CAMK4: variants seen among roughly 807,000 people sequenced by gnomAD.
The protein encoded by CAMK4 is calcium/calmodulin dependent protein kinase IV, also known as calcium/calmodulin-dependent protein kinase type IV.
In CAMK4, 22 loss-of-function variants were observed where a neutral mutation model predicts 44.9. The observed-to-expected ratio is 0.49, with a 90% CI of 0.35 to 0.70. CAMK4 has a LOEUF of 0.70. Ranked by LOEUF, CAMK4 falls within the 30% of genes least tolerant of loss-of-function variation. The pLI is 0.01. For synonymous variants in CAMK4, 218 were observed against 215.4 expected, an observed-to-expected ratio of 1.01 and a Z score of -0.11; for missense variants, 498 against 586.8, an observed-to-expected ratio of 0.85 and a Z score of 1.56.
chr5:111,460,170 A>T (rs1322821911), intron 7 of CAMK4, among the ~76,000 whole-genome samples: 1 of 152,172 alleles, frequency 6.6e-6, no homozygotes, highest in Non-Finnish European at 1.5e-5. Flanking sequence ...AAATAAAAAT[A>T]AAAAGTTTTG....
intron 1 of CAMK4, among the ~76,000 whole-genome samples, chr5:111,234,186 T>C (rs1015994120): frequency 6.6e-6 from 1 of 152,156 alleles, no homozygotes; most frequent in Non-Finnish European, 1.5e-5. Flanking sequence ...TAAATAACAT[T>C]CTACTTTATG....
chr5:111,235,998 T>C (rs1287149861), intron 1 of CAMK4, among the ~76,000 whole-genome samples: 2 of 152,182 alleles, frequency 1.3e-5, no homozygotes, highest in Non-Finnish European at 2.9e-5. Context: ...CAGGACACAA[T>C]TGTTACTTGA....
chr5:111,292,662 C>T (rs1198236055), intron 1 of CAMK4, among the ~76,000 whole-genome samples: 1 of 152,056 alleles, frequency 6.6e-6, no homozygotes, highest in Non-Finnish European at 1.5e-5. Flanking sequence ...TGGCTCACAC[C>T]TGTAATCCCA....
At position 111,288,869 on chromosome 5, in the gene CAMK4, A is replaced by G. The variant is rs144233933; in HGVS notation, c.162-55155A>G. Among the ~76,000 whole-genome samples, 430 of 152,368 alleles carry G rather than the reference A, an allele frequency of 2.8e-3. 2 individuals are homozygous for G. The highest frequency in any genetic ancestry group is 5.0e-3 in the Non-Finnish European group (342 of 68,034). On this transcript the variant is annotated intron_variant, in intron 1 of 10. Coordinates refer to ENST00000282356, the MANE Select transcript of CAMK4 (RefSeq NM_001744.6). ...CAGAAGATTGTTCCACAAGGTCAGT[A>G]AACTACCTCAAGACCTTCCATTGTA...
At chr5:111,388,347 C>A (rs1423179517) in intron 4 of CAMK4, among the ~76,000 whole-genome samples, 2 of 152,156 alleles carry the variant, frequency 1.3e-5, no homozygotes, top group Non-Finnish European at 2.9e-5. Context: ...TTCTTTACTC[C>A]ACCATCTGTG....
At chr5:111,423,298 A>G (rs1052403384) in intron 5 of CAMK4, among the ~76,000 whole-genome samples, 1 of 152,234 alleles carries the variant, frequency 6.6e-6, no homozygotes, top group South Asian at 2.1e-4. Context: ...ACATTCCACT[A>G]TATTTTGAAA....
intron 1 of CAMK4, among the ~76,000 whole-genome samples, chr5:111,254,550 ATGT>A (rs1388699098): frequency 1.3e-5 from 2 of 152,190 alleles, no homozygotes; most frequent in East Asian, 3.8e-4. Context: ...GTCAGAGATG[ATGT>A]TCATGCAGAA....
At chr5:111,406,877 T>G (rs546121562) in intron 5 of CAMK4, among the ~76,000 whole-genome samples, 2 of 152,362 alleles carry the variant, frequency 1.3e-5, no homozygotes, top group African/African-American at 4.8e-5. Flanking sequence ...ATGAGGTTAT[T>G]TAATAGATAT....
intron 1 of CAMK4, among the ~76,000 whole-genome samples, chr5:111,264,364 C>CA (rs1302972292): frequency 6.6e-6 from 1 of 152,156 alleles, no homozygotes; most frequent in Non-Finnish European, 1.5e-5. Flanking sequence ...GATGTATAAA[C>CA]AACTGGTGGA....
rs1005226736 is a variant in CAMK4, at chr5:111,454,875, A to G, written c.625+5672A>G. Among the ~76,000 whole-genome samples, 12 of 152,080 alleles carry G rather than the reference A, an allele frequency of 7.9e-5. No homozygotes were observed. In the Middle Eastern group the frequency reaches 0.01, roughly 130 times the overall value. ...AAGGGCTTAGGTAAAAAAAAATTAT[A>G]TCTAATACGAATTATCTAATTTATT... On this transcript the variant is annotated intron_variant, in intron 7 of 10. Transcript: ENST00000282356.
intron 1 of CAMK4, among the ~76,000 whole-genome samples, chr5:111,335,137 A>T (rs1288575708): frequency 6.6e-6 from 1 of 151,514 alleles, no homozygotes; most frequent in Non-Finnish European, 1.5e-5. Context: ...ATTTGCAAGG[A>T]GTACATTGTA....
At chr5:111,361,649 C>T (rs368733276) in intron 2 of CAMK4, among the ~76,000 whole-genome samples, 1 of 151,830 alleles carries the variant, frequency 6.6e-6, no homozygotes, top group African/African-American at 2.4e-5. Context: ...TAGATGTGAC[C>T]CTGGTGGTTG....
chr5:111,272,811 A>G (rs1002985100), intron 1 of CAMK4, among the ~76,000 whole-genome samples: 1 of 152,140 alleles, frequency 6.6e-6, no homozygotes, highest in African/African-American at 2.4e-5. Context: ...TTGTCTCTAT[A>G]CAGAGTGTTT....
chr5:111,452,583 C>T (rs1434944498), intron 7 of CAMK4, among the ~76,000 whole-genome samples: 1 of 152,188 alleles, frequency 6.6e-6, no homozygotes, highest in Non-Finnish European at 1.5e-5. Context: ...CAGCAGATGA[C>T]ATGTTCAATC....
intron 7 of CAMK4, among the ~76,000 whole-genome samples, chr5:111,468,255 C>T (rs139879367): frequency 0.013 from 1,989 of 152,228 alleles, 19 homozygotes; most frequent in Non-Finnish European, 0.021. Context: ...ACCAAAATCT[C>T]AGAAATCCCC....
At chr5:111,322,455 A>T (rs1214639958) in intron 1 of CAMK4, among the ~76,000 whole-genome samples, 3 of 152,174 alleles carry the variant, frequency 2.0e-5, no homozygotes, top group Non-Finnish European at 4.4e-5. Context: ...CTAATAACAA[A>T]TAAAACCAAA....
rs1156480162 is a variant in CAMK4 at position 111,294,557 on chromosome 5, ATAT to A, written c.162-49462_162-49460del. 4.6e-5 allele frequency among the ~76,000 whole-genome samples: 7 copies of A among 152,326 alleles called. 1 individual carries two copies. In the South Asian group the frequency reaches 1.5e-3, roughly 32 times the overall value. ...GTTTTCAGAGTCCTGGTTGAGATAT[ATAT>A]TATTCAGTTCAAAAGCAAGATGGTG... On this transcript the variant is annotated intron_variant, in intron 1 of 10. Transcript: ENST00000282356.
intron 1 of CAMK4, among the ~76,000 whole-genome samples, chr5:111,257,523 T>C (rs572276579): frequency 8.5e-5 from 13 of 152,218 alleles, no homozygotes; most frequent in Admixed American, 7.9e-4. Context: ...TGTGGAGAAA[T>C]AGGAATGCTT....
intron 1 of CAMK4, among the ~76,000 whole-genome samples, chr5:111,321,346 A>C (rs1181882781): frequency 6.6e-6 from 1 of 152,186 alleles, no homozygotes; most frequent in Non-Finnish European, 1.5e-5. Flanking sequence ...TATGTTGGCA[A>C]AACATTCAGC....
Sources: gnomAD v4.1 joint callset for allele counts (sites outside exome capture counted in the v4.1 genomes callset) on GRCh38, gnomAD v4.1.1 for gene constraint, MANE v1.5 for transcripts, NCBI Gene and HGNC (gene_info 2026-07-23, HGNC 2026-07-21) for gene names.